IRAG1: variants seen among roughly 807,000 people sequenced by gnomAD.
IRAG1 encodes inositol 1,4,5-triphosphate receptor associated 1.
A neutral mutation model predicts 106.2 loss-of-function variants in IRAG1; 62 were observed. The ratio of observed to expected loss-of-function variants is 0.58; its 90% confidence interval spans 0.48 to 0.72. The LOEUF (loss-of-function observed/expected upper bound fraction) is 0.72. IRAG1 is among the 30% of genes least tolerant of loss of function. The pLI is 0.00. For missense variants in IRAG1, 1,064 were observed against 1,140.7 expected (o/e 0.93, Z 0.97); for synonymous variants, 462 against 443.9 (o/e 1.04, Z -0.51).
intron 1 of IRAG1, among the ~76,000 whole-genome samples, chr11:10,681,300 A>G (rs553205625): frequency 9.8e-5 from 15 of 152,364 alleles, no homozygotes; most frequent in African/African-American, 3.6e-4. Flanking sequence ...CAATCTGAGC[A>G]GTAAATGTCT....
In IRAG1 at chr11:10,634,600, A is replaced by C. The variant is rs1459402076; in HGVS notation, c.226-529T>G. ...CACCATTCTACTCTCTGTTTCTGCAAGTTTGACCTTTTAAGATTCTACATA... is the reference window on the plus strand; with the variant it reads ...CACCATTCTACTCTCTGTTTCTGCACGTTTGACCTTTTAAGATTCTACATA... On this transcript the variant is annotated intron_variant, in intron 2 of 20. Coordinates refer to ENST00000423302, the MANE Select transcript of IRAG1 (RefSeq NM_130385.4). Among the ~76,000 whole-genome samples the C allele has an allele frequency of 2.0e-5, 3 of 152,094 alleles. No homozygotes were observed. In the East Asian group the frequency reaches 5.8e-4, roughly 29 times the overall value.
chr11:10,593,461 T>C, intron 17 of IRAG1, 31 bp downstream of exon 17: 1 of 1,579,514 alleles, frequency 6.3e-7, no homozygotes, highest in Non-Finnish European at 8.7e-7. Flanking sequence ...TCTACTATTC[T>C]GTGCTGGGAG....
At chr11:10,646,520 C>T (rs1018673495) in intron 2 of IRAG1, among the ~76,000 whole-genome samples, 2 of 152,188 alleles carry the variant, frequency 1.3e-5, no homozygotes, top group Admixed American at 6.5e-5. Flanking sequence ...AAGGCCAGCA[C>T]CTCCATAGCC....
rs1372816098 is a variant in IRAG1, at chr11:10,626,507, G to C, written c.827C>G (p.Pro276Arg). The C allele has an allele frequency of 6.2e-7, 1 of 1,613,524 alleles. No individual in the cohort carries two copies. The highest frequency in any genetic ancestry group is 1.1e-5 in the South Asian group (1 of 90,966). The change falls in exon 9 of 21, where the codon CCT (proline) becomes CGT (arginine). Residue 276 changes from proline (P) to arginine (R), a missense_variant. Transcript: ENST00000423302. Reference protein sequence around the residue: ...KVSQGRLAPRPPPVEKSKEIA... With the variant: ...KVSQGRLAPRRPPVEKSKEIA... ...CTCTTTGGACTTCTCAACTGGAGGA[G>C]GACGAGGAGCCAGCCTGCCCTGAGA...
intron 1 of IRAG1, chr11:10,687,697 T>C: frequency 2.3e-6 from 3 of 1,286,964 alleles, no homozygotes; most frequent in Non-Finnish European, 3.0e-6. Flanking sequence ...CCTTGCGGTG[T>C]TTTTGGAGTT....
chr11:10,645,788 C>T (rs1181029635), intron 2 of IRAG1, among the ~76,000 whole-genome samples: 1 of 152,196 alleles, frequency 6.6e-6, no homozygotes, highest in Non-Finnish European at 1.5e-5. Context: ...TTAGCTATGT[C>T]ACCCACTGCA....
At chr11:10,587,251 A>G (rs578163125) in intron 18 of IRAG1, among the ~76,000 whole-genome samples, 56 of 152,358 alleles carry the variant, frequency 3.7e-4, no homozygotes, top group African/African-American at 1.3e-3. Flanking sequence ...TTGGACAGGC[A>G]GGTATATTAG....
intron 2 of IRAG1, among the ~76,000 whole-genome samples, chr11:10,642,793 C>T (rs1857613681): frequency 6.6e-6 from 1 of 152,138 alleles, no homozygotes; most frequent in Admixed American, 6.5e-5. Flanking sequence ...GTCTTGTAGC[C>T]TGGAGGGCAA....
intron 1 of IRAG1, among the ~76,000 whole-genome samples, chr11:10,689,554 C>T (rs1861907694): frequency 6.6e-6 from 1 of 152,152 alleles, no homozygotes; most frequent in South Asian, 2.1e-4. Flanking sequence ...ATGCTATAAA[C>T]CTATGGAAGA....
intron 1 of IRAG1, among the ~76,000 whole-genome samples, chr11:10,660,478 T>C (rs1014606576): frequency 1.4e-4 from 22 of 152,126 alleles, no homozygotes; most frequent in African/African-American, 5.3e-4. Flanking sequence ...ATCTATACCA[T>C]GGAAATTGGC....
rs559020337 is a variant in IRAG1, at chr11:10,692,929, C to A, written c.67+607G>T. On this transcript the variant is annotated intron_variant, in intron 1 of 20. Coordinates refer to ENST00000423302, the MANE Select transcript of IRAG1 (RefSeq NM_130385.4). ...GAGGTGAGCAGGGCCGGGCACGGGC[C>A]GGGCACATACACCCCCTCTAGGGAG... Among the ~76,000 whole-genome samples, 299 of 152,262 alleles carry A rather than the reference C, an allele frequency of 2.0e-3. 2 individuals are homozygous for A. The highest frequency in any genetic ancestry group is 6.8e-3 in the African/African-American group (283 of 41,536).
rs889565469 is a variant in IRAG1 at position 10,575,212 on chromosome 11, G to A, written c.*1120C>T. ...CTTCAGTGTTGTGCTAAATAACTGG[G>A]GATGCTCTGAAACACCCCTAATTAT... On this transcript the variant is annotated 3_prime_UTR_variant, in exon 21 of 21. Transcript: ENST00000423302. The A allele has an allele frequency of 1.3e-5, 2 of 152,184 alleles. No homozygotes were observed. Among genetic ancestry groups the A allele is most frequent in the Non-Finnish European group, 2.9e-5 (2 of 68,036 alleles). 9.4% of individuals were successfully genotyped at this position (152,184 alleles called of 1,614,324 possible).
intron 1 of IRAG1, among the ~76,000 whole-genome samples, chr11:10,693,222 C>T (rs551538291): frequency 2.0e-5 from 3 of 152,130 alleles, no homozygotes; most frequent in African/African-American, 4.8e-5. Context: ...CACAAAGGGG[C>T]CCACAGGAAA....
chr11:10,607,090 G>A (rs1854541553), intron 11 of IRAG1, among the ~76,000 whole-genome samples: 1 of 152,186 alleles, frequency 6.6e-6, no homozygotes, highest in Non-Finnish European at 1.5e-5. Flanking sequence ...GTATGTATGT[G>A]TATGTGTTTG....
At position 10,593,598 on chromosome 11, in the gene IRAG1, T is replaced by A; in HGVS notation, c.2069A>T (p.Asn690Ile). 1 of 1,612,576 alleles carries A rather than the reference T, an allele frequency of 6.2e-7. No homozygotes were observed. Among genetic ancestry groups the A allele is most frequent in the Non-Finnish European group, 8.5e-7 (1 of 1,178,726 alleles). ...AACGCTGACCCTCCGGCGAGGCATA[T>A]TCTGCAGGAAGAGAAGTGACCAGGC... is the stretch of plus-strand genomic sequence containing the variant. ...ARSMSLTLGK[N>I]MPRRRVSVAV... is the part of the protein sequence containing the mutation. The change falls in exon 17 of 21, where the codon AAT becomes ATT. Residue 690 changes from asparagine to isoleucine, a missense_variant and splice_region_variant. By Grantham distance (149) the Asn-to-Ile change is moderately radical (BLOSUM62 -3). Transcript: ENST00000423302.
rs77614611 is a variant in IRAG1, at chr11:10,599,303, A to C, written c.2017+1615T>G. Reference sequence around the variant, plus strand: ...TATATAGGGCAAACCAAAGGTACTCAATAAATGTCTGTAGAATGAACGAAT... The same window carrying C: ...TATATAGGGCAAACCAAAGGTACTCCATAAATGTCTGTAGAATGAACGAAT... On this transcript the variant is annotated intron_variant, in intron 15 of 20. Transcript: ENST00000423302. Among the ~76,000 whole-genome samples the C allele has an allele frequency of 7.7e-3, 1,178 of 152,334 alleles. 22 individuals carry two copies. The highest frequency in any genetic ancestry group is 0.027 in the African/African-American group (1,125 of 41,566).
chr11:10,586,179 A>AG (rs551871925), intron 18 of IRAG1: 6 of 144,262 alleles, frequency 4.2e-5, no homozygotes, highest in Non-Finnish European at 9.2e-5. Flanking sequence ...GAGGGTGGGT[A>AG]GGGGGGAGTG....
intron 2 of IRAG1, 65 bp downstream of exon 2, chr11:10,651,960 C>A (rs1858547334): frequency 4.1e-6 from 6 of 1,477,996 alleles, no homozygotes; most frequent in Non-Finnish European, 5.4e-6. Flanking sequence ...AAGCTGTGGC[C>A]TCAGCCCAGG....
At chr11:10,653,050 C>T (rs11042910) in intron 1 of IRAG1, among the ~76,000 whole-genome samples, 66,079 of 151,898 alleles carry the variant, frequency 0.44, 14,870 homozygotes, top group African/African-American at 0.54. Context: ...ATCTCATCCA[C>T]CTCCCACAGT....
Sources: gnomAD v4.1 joint callset for allele counts (sites outside exome capture counted in the v4.1 genomes callset) on GRCh38, gnomAD v4.1.1 for gene constraint, MANE v1.5 for transcripts, NCBI Gene and HGNC (gene_info 2026-07-23, HGNC 2026-07-21) for gene names.